MINDY4: variants seen among roughly 807,000 people sequenced by gnomAD.
MINDY4 encodes probable ubiquitin carboxyl-terminal hydrolase MINDY-4.
MINDY4 carries 68 observed loss-of-function variants against 87.0 expected under a neutral mutation model. The ratio of observed to expected loss-of-function variants is 0.78; its 90% CI spans 0.64 to 0.96. The LOEUF (loss-of-function observed/expected upper bound fraction) is 0.96. Ranked by LOEUF, MINDY4 falls within the 40% of genes least tolerant of loss-of-function variation. The pLI is 0.00. For synonymous variants in MINDY4, 379 were observed against 363.2 expected (o/e 1.04, Z -0.50); for missense variants, 919 against 928.2 (o/e 0.99, Z 0.13).
intron 5 of MINDY4, chr7:30,803,530 G>A (rs1212486123): frequency 6.6e-6 from 1 of 152,184 alleles, no homozygotes; most frequent in Non-Finnish European, 1.5e-5. Context: ...GAGGGAGGGG[G>A]TTTTCTGGAT....
intron 8 of MINDY4, among the ~76,000 whole-genome samples, chr7:30,840,444 A>G (rs1432748859): frequency 6.6e-6 from 1 of 152,210 alleles, no homozygotes. Flanking sequence ...AGACACAGAA[A>G]CATTTCCCTA....
intron 17 of MINDY4, among the ~76,000 whole-genome samples, chr7:30,887,960 A>G (rs186822645): frequency 9.9e-4 from 150 of 152,266 alleles, no homozygotes; most frequent in African/African-American, 3.5e-3. Context: ...GGAAACTTTC[A>G]CACAGGCCTA....
rs144344081 is a variant in MINDY4 at position 30,795,454 on chromosome 7, A to C, written c.1073+3880A>C. On this transcript the variant is annotated intron_variant, in intron 5 of 17. Transcript: ENST00000265299. ...CTTCAACCATGGAGCCGTGGGATCC[A>C]GGGGTACCAAGATATGAAGGCCTAT... Among the ~76,000 whole-genome samples, 65 of 152,332 alleles carry C rather than the reference A, an allele frequency of 4.3e-4. No individual in the cohort carries two copies. In the East Asian group the frequency reaches 9.8e-3, roughly 23 times the overall value.
intron 17 of MINDY4, among the ~76,000 whole-genome samples, chr7:30,887,049 G>A (rs533550939): frequency 6.6e-6 from 1 of 152,326 alleles, no homozygotes; most frequent in Non-Finnish European, 1.5e-5. Context: ...TTTCTGTTCG[G>A]AGGTGCAGAC....
intron 4 of MINDY4, among the ~76,000 whole-genome samples, chr7:30,790,907 C>T (rs1787304457): frequency 6.6e-6 from 1 of 152,184 alleles, no homozygotes; most frequent in African/African-American, 2.4e-5. Flanking sequence ...TGAACCTGCT[C>T]TCTGTAAGGG....
chr7:30,876,036 TG>T (rs1790247666), intron 15 of MINDY4, among the ~76,000 whole-genome samples: 3 of 152,188 alleles, frequency 2.0e-5, no homozygotes, highest in Non-Finnish European at 4.4e-5. Flanking sequence ...TACCACAGAC[TG>T]GGTGGCTTGA....
At position 30,840,816 on chromosome 7, in the gene MINDY4, G is replaced by T. The variant is rs1789007339; in HGVS notation, c.1413G>T (p.Leu471=). ...AVQGCVLQKL[L]FEGDSKADCA... ...AAGGCTGTGTCCTACAGAAACTCCT[G>T]TTTGAAGGAGATAGCAAAGCCGACT... Residue 471 remains leucine (L), a synonymous_variant, in exon 9 of 18, where the codon CTG becomes CTT. Coordinates refer to ENST00000265299, the MANE Select transcript of MINDY4 (RefSeq NM_032222.3). 1.2e-6 allele frequency: 2 copies of T among 1,614,186 alleles called. No homozygotes were observed. The highest frequency in any genetic ancestry group is 2.7e-5 in the African/African-American group (2 of 75,060).
chr7:30,773,783 C>T (rs914142405), intron 1 of MINDY4, among the ~76,000 whole-genome samples: 1 of 152,116 alleles, frequency 6.6e-6, no homozygotes, highest in Non-Finnish European at 1.5e-5. Context: ...GCTTGTTTCC[C>T]ATCATAGCCC....
intron 13 of MINDY4, among the ~76,000 whole-genome samples, chr7:30,860,127 G>A (rs992127595): frequency 2.6e-5 from 4 of 152,206 alleles, no homozygotes; most frequent in Non-Finnish European, 4.4e-5. Context: ...TTTGAGGGAT[G>A]CAGGTGGGGT....
chr7:30,825,344 A>G (rs1287390010), intron 5 of MINDY4, among the ~76,000 whole-genome samples: 1 of 152,202 alleles, frequency 6.6e-6, no homozygotes, highest in Non-Finnish European at 1.5e-5. Flanking sequence ...AAAGCATCTG[A>G]GCTGGGCTCT....
In MINDY4 at chr7:30,775,804, C is replaced by T. The variant is rs183507179; in HGVS notation, c.64-2628C>T. On this transcript the variant is annotated intron_variant, in intron 1 of 17. Coordinates refer to ENST00000265299, the MANE Select transcript of MINDY4 (RefSeq NM_032222.3). ...TGTGCCAGGAACCTGGGACACAGAA[C>T]AAATATATATTTATCATAATGTCCA... 4.6e-5 allele frequency among the ~76,000 whole-genome samples: 7 copies of T among 152,290 alleles called. No homozygotes were observed. In the East Asian group the frequency reaches 1.4e-3, roughly 29 times the overall value.
intron 5 of MINDY4, among the ~76,000 whole-genome samples, chr7:30,810,343 G>GA (rs57035996): frequency 0.25 from 33,383 of 131,680 alleles, 4,484 homozygotes; most frequent in African/African-American, 0.38. Flanking sequence ...TAAAACTATT[G>GA]AAAAAAAAAA....
chr7:30,823,984 G>A (rs1788419795), intron 5 of MINDY4, among the ~76,000 whole-genome samples: 1 of 152,110 alleles, frequency 6.6e-6, no homozygotes, highest in Non-Finnish European at 1.5e-5. Context: ...CTAGATTCTT[G>A]TGCCATATAA....
At chr7:30,865,853 T>A (rs1481339888) in intron 13 of MINDY4, among the ~76,000 whole-genome samples, 1 of 152,198 alleles carries the variant, frequency 6.6e-6, no homozygotes, top group Non-Finnish European at 1.5e-5. Flanking sequence ...TGTGCCTGCA[T>A]CGTCTTCCCT....
intron 12 of MINDY4, among the ~76,000 whole-genome samples, chr7:30,853,682 G>T (rs1789486267): frequency 1.3e-5 from 2 of 152,240 alleles, no homozygotes; most frequent in African/African-American, 4.8e-5. Flanking sequence ...TGGTCCTGGA[G>T]GCAGGGCACA....
intron 9 of MINDY4, 114 bp from the exon 10 acceptor site, chr7:30,850,340 C>T: frequency 1.0e-6 from 1 of 985,922 alleles, no homozygotes; most frequent in Admixed American, 2.1e-5. Context: ...CTCTGCAGGC[C>T]AGAGAAAGAA....
Position 30,806,307 on chromosome 7 carries a change from A to C in MINDY4, c.1073+14733A>C, listed in dbSNP as rs528681122. 2.6e-5 allele frequency among the ~76,000 whole-genome samples: 4 copies of C among 152,348 alleles called. No individual in the cohort carries two copies. The East Asian group carries it at 7.7e-4, about 29-fold the overall frequency. ...TTGAACAGATTTGGGTGCAAATCCT[A>C]GCTCTGCCATATACTAACAGGGCAA... On this transcript the variant is annotated intron_variant, in intron 5 of 17. Coordinates refer to ENST00000265299, the MANE Select transcript of MINDY4 (RefSeq NM_032222.3).
rs543030192 is a variant in MINDY4 at position 30,850,698 on chromosome 7, G to A, written c.1547+143G>A. 191 of 742,836 alleles carry A rather than the reference G, an allele frequency of 2.6e-4. 1 individual carries two copies. The South Asian group carries it at 3.2e-3, about 12-fold the overall frequency. 46.0% of individuals were successfully genotyped at this position (742,836 alleles called of 1,614,324 possible). A position where few individuals can be genotyped will look rare whatever the true frequency, so the allele number is the denominator to read the frequency against. On this transcript the variant is annotated intron_variant, in intron 10 of 17. Transcript: ENST00000265299. The stretch of plus-strand genomic sequence containing the variant: ...TGGGATGAGCCCTGCAAGCCAGCCT[G>A]ATGTGCTGAGCAGCCGCAGACTCAG...
chr7:30,811,420 C>T (rs1787994039), intron 5 of MINDY4, among the ~76,000 whole-genome samples: 1 of 152,198 alleles, frequency 6.6e-6, no homozygotes, highest in East Asian at 1.9e-4. Context: ...CACAAGTGTA[C>T]TATATCAGTC....
Sources: gnomAD v4.1 joint callset for allele counts (sites outside exome capture counted in the v4.1 genomes callset) on GRCh38, gnomAD v4.1.1 for gene constraint, MANE v1.5 for transcripts, NCBI Gene and HGNC (gene_info 2026-07-23, HGNC 2026-07-21) for gene names.